Variants in ULK4 observed in about 807,000 individuals in gnomAD.
ULK4 encodes inactive serine/threonine-protein kinase ULK4.
A neutral mutation model predicts 160.6 loss-of-function variants in ULK4; 133 were observed. The observed-to-expected ratio is 0.83, with a 90% confidence interval of 0.72 to 0.96. The LOEUF (loss-of-function observed/expected upper bound fraction) is 0.96. Ranked by LOEUF, ULK4 falls within the 40% of genes least tolerant of loss-of-function variation. ULK4 has a pLI of 0.00. For synonymous variants in ULK4, 534 were observed against 539.8 expected (o/e 0.99, Z 0.15); for missense variants, 1,580 against 1,499.5 (o/e 1.05, Z -0.89).
rs555625149 is a variant in ULK4 at position 41,592,057 on chromosome 3, G to A, written c.3120+23612C>T. Among the ~76,000 whole-genome samples, 3 of 152,298 alleles carry A rather than the reference G, an allele frequency of 2.0e-5. No homozygotes were observed. In the South Asian group the frequency reaches 6.2e-4, roughly 32 times the overall value. The stretch of plus-strand genomic sequence containing the variant: ...ACTGCAGGAATATATCAGAAAAGCC[G>A]AGAGAACCCACAGACCCACTGAAGG... On this transcript the variant is annotated intron_variant, in intron 31 of 36. Transcript: ENST00000301831.
At chr3:41,721,457 A>C (rs2037470027) in intron 22 of ULK4, among the ~76,000 whole-genome samples, 1 of 143,168 alleles carries the variant, frequency 7.0e-6, no homozygotes, top group Non-Finnish European at 1.5e-5. Flanking sequence ...AACCTCTGCC[A>C]CACAGGTTCA....
chr3:41,868,496 TTTTTG>T (rs1182808188), intron 17 of ULK4, among the ~76,000 whole-genome samples: 3 of 152,186 alleles, frequency 2.0e-5, no homozygotes. Flanking sequence ...TTTGTTTTTG[TTTTTG>T]TTTTGAGACG....
chr3:41,504,702 T>A (rs902250569), intron 32 of ULK4, among the ~76,000 whole-genome samples: 1 of 152,214 alleles, frequency 6.6e-6, no homozygotes, highest in African/African-American at 2.4e-5. Context: ...CAGTGAATTT[T>A]GTACTATATC....
intron 32 of ULK4, among the ~76,000 whole-genome samples, chr3:41,484,457 C>A (rs974632337): frequency 3.8e-5 from 4 of 106,428 alleles, no homozygotes; most frequent in Non-Finnish European, 8.4e-5. Context: ...TCTTTCTTTT[C>A]CTTTTTTTGT....
intron 32 of ULK4, among the ~76,000 whole-genome samples, chr3:41,512,896 C>A (rs1406910686): frequency 6.6e-6 from 1 of 152,070 alleles, no homozygotes; most frequent in South Asian, 2.1e-4. Context: ...GTAATAGTCA[C>A]CAAAACAGCA....
chr3:41,931,657 G>A, intron 5 of ULK4, 187 bp downstream of exon 5: 1 of 655,784 alleles, frequency 1.5e-6, no homozygotes, highest in East Asian at 2.7e-5. Context: ...TTACAGAGTA[G>A]ATCCACATTG....
intron 33 of ULK4, among the ~76,000 whole-genome samples, chr3:41,459,473 C>A (rs2083634048): frequency 6.6e-6 from 1 of 152,206 alleles, no homozygotes; most frequent in Admixed American, 6.5e-5. Flanking sequence ...GCTCCCCAAA[C>A]ACGATCATGC....
intron 35 of ULK4, among the ~76,000 whole-genome samples, chr3:41,340,074 CTGCTTATATCACAT>C (rs2080649258): frequency 6.6e-6 from 1 of 152,220 alleles, no homozygotes; most frequent in Non-Finnish European, 1.5e-5. Flanking sequence ...GTTTCCACTG[CTGCTTATATCACAT>C]TTGCATAATT....
intron 27 of ULK4, among the ~76,000 whole-genome samples, chr3:41,687,666 T>C (rs1239965953): frequency 6.6e-6 from 1 of 152,202 alleles, no homozygotes; most frequent in Non-Finnish European, 1.5e-5. Context: ...ACAATATTTC[T>C]AGCCAATCCC....
chr3:41,616,235 C>T (rs763067898), intron 30 of ULK4, among the ~76,000 whole-genome samples: 4 of 152,150 alleles, frequency 2.6e-5, no homozygotes, highest in Admixed American at 6.5e-5. Flanking sequence ...TATCAATTGT[C>T]ATCAATTGTA....
chr3:41,730,619 G>A (rs1031035168), intron 22 of ULK4, among the ~76,000 whole-genome samples: 6 of 152,100 alleles, frequency 3.9e-5, no homozygotes, highest in East Asian at 1.9e-4. Context: ...AGACTGAATC[G>A]ATAATAAAGT....
At chr3:41,579,639 G>A (rs796490754) in intron 31 of ULK4, among the ~76,000 whole-genome samples, 52 of 151,834 alleles carry the variant, frequency 3.4e-4, no homozygotes, top group African/African-American at 1.1e-3. Context: ...GACTACAGGC[G>A]CGCGCCTCCA....
At position 41,364,223 on chromosome 3, in the gene ULK4, C is replaced by T. The variant is rs150409420; in HGVS notation, c.3678+33856G>A. 1.0e-2 allele frequency among the ~76,000 whole-genome samples: 1,516 copies of T among 152,286 alleles called. 14 individuals carry two copies. Among genetic ancestry groups the T allele is most frequent in the African/African-American group, 0.027 (1,110 of 41,546 alleles). ...AAAGTGCTGGGATTATAGGTGTGAG[C>T]TGCTGCACCCGGCCCAAGCCTCTTC... On this transcript the variant is annotated intron_variant, in intron 35 of 36. Coordinates refer to ENST00000301831, the MANE Select transcript of ULK4 (RefSeq NM_017886.4).
chr3:41,734,839 G>C (rs1329950321), intron 22 of ULK4, among the ~76,000 whole-genome samples: 1 of 152,144 alleles, frequency 6.6e-6, no homozygotes, highest in East Asian at 1.9e-4. Context: ...CCTCTTAACA[G>C]TGATGGTACA....
At chr3:41,805,306 A>T (rs2125611823) in intron 19 of ULK4, among the ~76,000 whole-genome samples, 1 of 152,248 alleles carries the variant, frequency 6.6e-6, no homozygotes, top group African/African-American at 2.4e-5. Context: ...GTGTATAAGA[A>T]TGCTTGTGAT....
intron 2 of ULK4, among the ~76,000 whole-genome samples, chr3:41,948,890 A>G (rs1409560049): frequency 1.3e-5 from 2 of 152,182 alleles, no homozygotes; most frequent in Non-Finnish European, 2.9e-5. Context: ...CTCCACTTCT[A>G]GTCAAGAAGG....
At chr3:41,337,489 G>A (rs1284196734) in intron 35 of ULK4, among the ~76,000 whole-genome samples, 1 of 152,100 alleles carries the variant, frequency 6.6e-6, no homozygotes, top group Non-Finnish European at 1.5e-5. Context: ...CCAACTACAT[G>A]TGCTAGGATA....
intron 35 of ULK4, among the ~76,000 whole-genome samples, chr3:41,292,834 C>T (rs1485172609): frequency 2.0e-5 from 3 of 152,120 alleles, no homozygotes; most frequent in African/African-American, 4.8e-5. Context: ...ATCCCAGCTA[C>T]TCGGGAGGCT....
intron 35 of ULK4, among the ~76,000 whole-genome samples, chr3:41,337,529 G>A (rs912508047): frequency 2.7e-4 from 41 of 152,298 alleles, no homozygotes; most frequent in Non-Finnish European, 2.8e-4. Flanking sequence ...GCAGGTATGT[G>A]CAGACGTGCA....
Sources: gnomAD v4.1 joint callset for allele counts (sites outside exome capture counted in the v4.1 genomes callset) on GRCh38, gnomAD v4.1.1 for gene constraint, MANE v1.5 for transcripts, NCBI Gene and HGNC (gene_info 2026-07-23, HGNC 2026-07-21) for gene names.